ENTPD5: variants seen among roughly 807,000 people sequenced by gnomAD.
The protein encoded by ENTPD5 is nucleoside diphosphate phosphatase ENTPD5.
A neutral mutation model predicts 60.2 loss-of-function variants in ENTPD5; 49 were observed. That is an observed-to-expected ratio of 0.81 (90% CI 0.65 to 1.03). The LOEUF is 1.03. Ranked by LOEUF, ENTPD5 falls within the 50% of genes least tolerant of loss-of-function variation. The pLI is 0.00. For missense variants in ENTPD5, 480 were observed against 507.6 expected (o/e 0.95, Z 0.52); for synonymous variants, 187 against 185.4 (o/e 1.01, Z -0.07).
intron 8 of ENTPD5, 107 bp downstream of exon 8, chr14:73,976,917 T>G: frequency 3.7e-6 from 4 of 1,085,214 alleles, no homozygotes; most frequent in Non-Finnish European, 5.5e-6. Flanking sequence ...TCTTTTCCTT[T>G]TTTAAAGAAG....
Position 73,966,678 on chromosome 14 carries a change from T to G in ENTPD5, c.*250A>C. 2.6e-6 allele frequency: 1 copy of G among 388,570 alleles called. No homozygotes were observed. The allele number at this position is 388,570 out of a possible 1,614,324, so 24.1% of individuals were successfully genotyped here. On this transcript the variant is annotated 3_prime_UTR_variant, in exon 16 of 16. Transcript: ENST00000334696. ...TCTTTGGTTTCCAGGGACCTGTCCC[T>G]GGGCTCTCACTCCAAGGTTAAGTTC...
At chr14:74,001,829 T>C (rs4899487) in intron 3 of ENTPD5, among the ~76,000 whole-genome samples, 2 of 151,818 alleles carry the variant, frequency 1.3e-5, no homozygotes, top group Non-Finnish European at 2.9e-5. Context: ...CTCCAGCCTA[T>C]GCGACAGAGT....
At chr14:73,995,436 A>G (rs1350294453) in intron 3 of ENTPD5, among the ~76,000 whole-genome samples, 1 of 151,824 alleles carries the variant, frequency 6.6e-6, no homozygotes, top group African/African-American at 2.4e-5. Context: ...TTGAATGAAT[A>G]CTCCAAAGGG....
downstream of ENTPD5, chr14:73,959,474 A>G (rs148281229): frequency 1.1e-4 from 183 of 1,614,174 alleles, 1 homozygote; most frequent in African/African-American, 2.1e-3. Flanking sequence ...CAGCAGAGCT[A>G]GTTAGCATGG....
chr14:73,984,689 T>A (rs2057827998), intron 5 of ENTPD5, among the ~76,000 whole-genome samples: 1 of 148,700 alleles, frequency 6.7e-6, no homozygotes, highest in South Asian at 2.1e-4. Flanking sequence ...TCTTTTTTAA[T>A]TATTTATTTT....
chr14:73,980,351 G>A (rs1290614024), intron 6 of ENTPD5, among the ~76,000 whole-genome samples: 3 of 151,016 alleles, frequency 2.0e-5, no homozygotes, highest in Non-Finnish European at 2.9e-5. Context: ...TGCAAGCTCC[G>A]CCTCCCAAGT....
chr14:74,003,835 G>T (rs2058584765), intron 3 of ENTPD5, among the ~76,000 whole-genome samples: 1 of 152,126 alleles, frequency 6.6e-6, no homozygotes, highest in Non-Finnish European at 1.5e-5. Context: ...GGTGCCTCAT[G>T]CCTGTAAATC....
chr14:73,958,546 G>A (rs2056554296), downstream of ENTPD5: 3 of 1,314,774 alleles, frequency 2.3e-6, no homozygotes, highest in Non-Finnish European at 1.9e-6. Context: ...AATGGAGGCT[G>A]TTCTTTCCCT....
At chr14:74,005,593 A>C (rs1185190555) in intron 3 of ENTPD5, among the ~76,000 whole-genome samples, 1 of 152,078 alleles carries the variant, frequency 6.6e-6, no homozygotes, top group Non-Finnish European at 1.5e-5. Flanking sequence ...GGATCACCTG[A>C]GGTCAGGAGT....
At chr14:73,961,848 T>C (rs1268647534), downstream of ENTPD5, 2 of 1,614,072 alleles carry the variant, frequency 1.2e-6, no homozygotes, top group Non-Finnish European at 1.7e-6. Context: ...GCCTCCCCGC[T>C]TGTGTTGCTC....
chr14:74,013,614 T>TA (rs2058915243), intron 2 of ENTPD5, among the ~76,000 whole-genome samples: 1 of 152,180 alleles, frequency 6.6e-6, no homozygotes, highest in South Asian at 2.1e-4. Flanking sequence ...ACCCCTGGTC[T>TA]ACACCATCTC....
chr14:73,967,901 G>A (rs1008537341), intron 15 of ENTPD5, among the ~76,000 whole-genome samples: 1 of 151,938 alleles, frequency 6.6e-6, no homozygotes, highest in East Asian at 1.9e-4. Flanking sequence ...GAGGCGGGTG[G>A]ATCACCTGAG....
chr14:73,955,620 C>A, downstream of ENTPD5: 1 of 1,365,082 alleles, frequency 7.3e-7, no homozygotes. Flanking sequence ...ACAAGGTTCA[C>A]ATTCAGTCCG....
intron 5 of ENTPD5, chr14:73,986,156 T>C (rs1424327709): frequency 1.3e-5 from 2 of 151,892 alleles, no homozygotes; most frequent in Non-Finnish European, 2.9e-5. Flanking sequence ...ATTTTTAACA[T>C]CAAGCATTTG....
chr14:73,955,670 CATTTTAT>C (rs929447607), downstream of ENTPD5: 54 of 1,464,370 alleles, frequency 3.7e-5, no homozygotes, highest in African/African-American at 5.3e-4. Flanking sequence ...ATTTTCTTCT[CATTTTAT>C]ATTTTCCTAC....
At chr14:74,005,068 G>C (rs187974126) in intron 3 of ENTPD5, among the ~76,000 whole-genome samples, 1 of 151,602 alleles carries the variant, frequency 6.6e-6, no homozygotes, top group East Asian at 1.9e-4. Flanking sequence ...AACTGTTTTT[G>C]TTCATTTGTT....
downstream of ENTPD5, chr14:73,958,413 C>A: frequency 6.6e-7 from 1 of 1,521,876 alleles, no homozygotes; most frequent in South Asian, 1.2e-5. Context: ...AGTACCTATT[C>A]AGGCCAGCTC....
intron 3 of ENTPD5, among the ~76,000 whole-genome samples, chr14:74,006,533 T>G (rs897457025): frequency 1.3e-5 from 2 of 151,808 alleles, no homozygotes; most frequent in Non-Finnish European, 2.9e-5. Context: ...TCCGCCCGCC[T>G]CGGCCTCCCA....
At chr14:74,016,633 C>CA (rs2059024422) in intron 1 of ENTPD5, among the ~76,000 whole-genome samples, 1 of 151,860 alleles carries the variant, frequency 6.6e-6, no homozygotes, top group Non-Finnish European at 1.5e-5. Flanking sequence ...GACCCTATCT[C>CA]AAAAAAACCA....
Sources: gnomAD v4.1 joint callset for allele counts (sites outside exome capture counted in the v4.1 genomes callset) on GRCh38, gnomAD v4.1.1 for gene constraint, MANE v1.5 for transcripts, NCBI Gene and HGNC (gene_info 2026-07-23, HGNC 2026-07-21) for gene names.